The following CDH18 variants were observed in gnomAD, a reference collection of about 807,000 sequenced individuals.
CDH18 encodes cadherin 18.
In CDH18, 31 loss-of-function variants were observed where a neutral mutation model predicts 67.9. The observed-to-expected ratio is 0.46, with a 90% CI of 0.34 to 0.62. The LOEUF (loss-of-function observed/expected upper bound fraction) is 0.62. Ranked by LOEUF, CDH18 falls within the 20% of genes least tolerant of loss-of-function variation. The pLI, the probability that CDH18 is intolerant of heterozygous loss-of-function variation, is 0.01. For synonymous variants in CDH18, 362 were observed against 347.2 expected, an observed-to-expected ratio of 1.04 and a Z score of -0.48; for missense variants, 890 against 975.5, an observed-to-expected ratio of 0.91 and a Z score of 1.17.
At chr5:19,945,431 AG>A (rs1465451005) in intron 2 of CDH18, among the ~76,000 whole-genome samples, 2 of 152,194 alleles carry the variant, frequency 1.3e-5, no homozygotes, top group Non-Finnish European at 2.9e-5. Context: ...TAAGATCAAA[AG>A]TCTGCTAATA....
chr5:20,311,082 TAAAAAAC>T, intron 1 of CDH18, among the ~76,000 whole-genome samples: 1 of 151,894 alleles, frequency 6.6e-6, no homozygotes, highest in South Asian at 2.1e-4. Context: ...CCCTGACCCT[TAAAAAAC>T]AAAACAAAAC....
chr5:19,767,036 A>C (rs1193537208), intron 3 of CDH18, among the ~76,000 whole-genome samples: 1 of 151,786 alleles, frequency 6.6e-6, no homozygotes, highest in African/African-American at 2.4e-5. Context: ...AAAATATGAT[A>C]ATTGAAAATT....
At chr5:19,836,557 T>G (rs1309327739) in intron 3 of CDH18, among the ~76,000 whole-genome samples, 1 of 152,180 alleles carries the variant, frequency 6.6e-6, no homozygotes, top group East Asian at 1.9e-4. Context: ...CTTTGTAGAT[T>G]CTGGATATTA....
chr5:19,536,291 A>T (rs893782863), intron 9 of CDH18, among the ~76,000 whole-genome samples: 1 of 152,226 alleles, frequency 6.6e-6, no homozygotes, highest in African/African-American at 2.4e-5. Context: ...TAAGTTGTTG[A>T]AAAACTTTTA....
chr5:20,304,686 A>G, intron 1 of CDH18: 5 of 1,611,662 alleles, frequency 3.1e-6, no homozygotes, highest in Non-Finnish European at 4.2e-6. Flanking sequence ...TTTTCTTTTC[A>G]GATGTCAGCT....
chr5:20,064,695 G>A (rs953434502), intron 2 of CDH18, among the ~76,000 whole-genome samples: 2 of 151,914 alleles, frequency 1.3e-5, no homozygotes, highest in African/African-American at 4.8e-5. Flanking sequence ...CCAATTAAAC[G>A]CCGATTCTCG....
intron 1 of CDH18, among the ~76,000 whole-genome samples, chr5:20,423,196 C>A (rs193153231): frequency 2.0e-5 from 3 of 151,346 alleles, no homozygotes; most frequent in South Asian, 4.1e-4. Flanking sequence ...AGCAGGCATG[C>A]GCCCACTAGG....
intron 5 of CDH18, among the ~76,000 whole-genome samples, chr5:19,672,574 T>C (rs1758899790): frequency 6.6e-6 from 1 of 152,086 alleles, no homozygotes; most frequent in South Asian, 2.1e-4. Flanking sequence ...CTCACAAATG[T>C]TAAGGAAGGA....
At chr5:20,478,249 C>A (rs993110187) in intron 1 of CDH18, among the ~76,000 whole-genome samples, 6 of 152,102 alleles carry the variant, frequency 3.9e-5, no homozygotes, top group Non-Finnish European at 8.8e-5. Flanking sequence ...CATTGAGATG[C>A]AGCTGGGACA....
intron 10 of CDH18, among the ~76,000 whole-genome samples, chr5:19,503,602 C>G (rs1274180156): frequency 6.6e-6 from 1 of 151,900 alleles, no homozygotes; most frequent in African/African-American, 2.4e-5. Flanking sequence ...ATGTTACAGA[C>G]GAGGAGCCTG....
intron 1 of CDH18, among the ~76,000 whole-genome samples, chr5:20,357,545 A>C (rs1024154565): frequency 5.3e-5 from 8 of 152,182 alleles, no homozygotes; most frequent in African/African-American, 1.9e-4. Flanking sequence ...GCGGCCAAAA[A>C]ACATGAAAAA....
Position 19,938,901 on chromosome 5 carries a change from CAAAG to C in CDH18, c.-257+42155_-257+42158del, listed in dbSNP as rs1301902412. Among the ~76,000 whole-genome samples, 5 of 150,806 alleles carry C rather than the reference CAAAG, an allele frequency of 3.3e-5. No homozygotes were observed. The East Asian group carries it at 9.8e-4, about 29-fold the overall frequency. On this transcript the variant is annotated intron_variant, in intron 2 of 12. Coordinates refer to ENST00000382275, the MANE Select transcript of CDH18 (RefSeq NM_004934.5). ...TTAAACTTTAAAATAAGTTTATAGACAAAGAAATGTTCCAAATGTATTTAATATA... is the reference window on the plus strand; with the variant it reads ...TTAAACTTTAAAATAAGTTTATAGACAAATGTTCCAAATGTATTTAATATA...
chr5:19,693,592 T>C (rs1230642608), intron 5 of CDH18, among the ~76,000 whole-genome samples: 1 of 152,170 alleles, frequency 6.6e-6, no homozygotes, highest in Non-Finnish European at 1.5e-5. Context: ...GCATTGTAAA[T>C]GCTTTAAAAA....
intron 1 of CDH18, among the ~76,000 whole-genome samples, chr5:20,340,882 C>A (rs1007382827): frequency 2.6e-5 from 4 of 152,260 alleles, no homozygotes; most frequent in East Asian, 3.9e-4. Flanking sequence ...TTTACTCAGG[C>A]CTTTTGAATC....
At chr5:20,406,261 G>A (rs922958537) in intron 1 of CDH18, among the ~76,000 whole-genome samples, 2 of 152,052 alleles carry the variant, frequency 1.3e-5, no homozygotes, top group Non-Finnish European at 1.5e-5. Context: ...CCATAAAAAA[G>A]GATGAGTTCA....
At chr5:20,165,826 A>G (rs1355918687) in intron 2 of CDH18, among the ~76,000 whole-genome samples, 1 of 152,214 alleles carries the variant, frequency 6.6e-6, no homozygotes, top group Admixed American at 6.5e-5. Flanking sequence ...AAACAGTTGC[A>G]GTACAAAGCA....
At chr5:19,624,467 T>A (rs1173138069) in intron 5 of CDH18, among the ~76,000 whole-genome samples, 2 of 152,218 alleles carry the variant, frequency 1.3e-5, no homozygotes, top group African/African-American at 4.8e-5. Flanking sequence ...AGCACTGAAG[T>A]AAACACATAT....
intron 2 of CDH18, among the ~76,000 whole-genome samples, chr5:19,915,566 T>G (rs1791674234): frequency 6.6e-6 from 1 of 152,138 alleles, no homozygotes; most frequent in African/African-American, 2.4e-5. Flanking sequence ...GAATGTTATA[T>G]ATTTCTATAC....
intron 1 of CDH18, among the ~76,000 whole-genome samples, chr5:20,346,643 G>C (rs187410758): frequency 6.6e-6 from 1 of 152,244 alleles, no homozygotes; most frequent in Admixed American, 6.5e-5. Context: ...CCTGCAATGG[G>C]TGTTACCTCT....
Sources: gnomAD v4.1 joint callset for allele counts (sites outside exome capture counted in the v4.1 genomes callset) on GRCh38, gnomAD v4.1.1 for gene constraint, MANE v1.5 for transcripts, NCBI Gene and HGNC (gene_info 2026-07-23, HGNC 2026-07-21) for gene names.